Variants in DOCK4 observed in about 807,000 individuals in gnomAD.
DOCK4 encodes dedicator of cytokinesis protein 4.
DOCK4 carries 97 observed loss-of-function variants against 268.1 expected under a neutral mutation model. The ratio of observed to expected loss-of-function variants is 0.36; its 90% CI spans 0.31 to 0.43. The LOEUF (loss-of-function observed/expected upper bound fraction) is 0.43, where lower values mean the gene tolerates loss of function less well. DOCK4 is among the 20% of genes least tolerant of loss of function. DOCK4 has a pLI of 1.00. For synonymous variants in DOCK4, 954 were observed against 887.2 expected (o/e 1.08, Z -1.34); for missense variants, 2,145 against 2,455.7 (o/e 0.87, Z 2.67).
intron 6 of DOCK4, 127 bp downstream of exon 6, chr7:111,988,888 C>T (rs1799265900): frequency 8.0e-6 from 11 of 1,376,086 alleles, no homozygotes; most frequent in Non-Finnish European, 1.1e-5. Context: ...ACTAAGCCTC[C>T]AAAAACAGGA....
chr7:111,996,648 T>G (rs1799982187), intron 4 of DOCK4, among the ~76,000 whole-genome samples: 1 of 152,186 alleles, frequency 6.6e-6, no homozygotes, highest in Admixed American at 6.5e-5. Context: ...TTTCTGTTCT[T>G]CTGCTGCACA....
chr7:112,095,224 T>C (rs1810012494), intron 1 of DOCK4, among the ~76,000 whole-genome samples: 1 of 151,972 alleles, frequency 6.6e-6, no homozygotes, highest in African/African-American at 2.4e-5. Flanking sequence ...AGAAAGACAA[T>C]GAAATTGAGT....
intron 7 of DOCK4, among the ~76,000 whole-genome samples, chr7:111,983,795 A>G (rs996227040): frequency 2.0e-5 from 3 of 150,848 alleles, no homozygotes; most frequent in Admixed American, 6.6e-5. Context: ...TAAGGAGGAG[A>G]CCGTTTCAGT....
rs796231667 is a variant in DOCK4 at position 112,018,179 on chromosome 7, A to AACACAC, written c.38-14049_38-14048insGTGTGT. Among the ~76,000 whole-genome samples, 4 of 72,590 alleles carry AACACAC rather than the reference A, an allele frequency of 5.5e-5. 1 individual carries two copies. Among genetic ancestry groups the AACACAC allele is most frequent in the Non-Finnish European group, 8.8e-5 (3 of 33,980 alleles). 47.6% of individuals were successfully genotyped at this position (72,590 alleles called of 152,430 possible). A position where few individuals can be genotyped will look rare whatever the true frequency, so the allele number is the denominator to read the frequency against. ...AAAAAAAAAAAAAAAAAAAAAAAAA[A>AACACAC]ACACAGGCAACCAGTATTCATGTGG... is the stretch of plus-strand genomic sequence containing the variant. On this transcript the variant is annotated intron_variant, in intron 1 of 52. Transcript: ENST00000428084.
chr7:111,863,379 G>T lies in DOCK4; in HGVS notation c.2466C>A (p.Thr822=). 6.2e-7 allele frequency: 1 copy of T among 1,613,984 alleles called. No individual in the cohort carries two copies. The highest frequency in any genetic ancestry group is 8.5e-7 in the Non-Finnish European group (1 of 1,179,888). The change falls in exon 23 of 53, where the codon ACC becomes ACA. Residue 822 remains threonine, a synonymous_variant. Coordinates refer to ENST00000428084, the MANE Select transcript of DOCK4 (RefSeq NM_001363540.2). The part of the protein sequence containing the change: ...IGKTVESQLY[T]NPDSRYILLP... ...CCAAGAGACTCACCCTACCTGGGTT[G>T]GTATAAAGCTGGCTTTCCACGGTTT...
At position 111,872,487 on chromosome 7, in the gene DOCK4, C is replaced by T; in HGVS notation, c.1822G>A (p.Asp608Asn). The change falls in exon 18 of 53, where the codon GAT (aspartate) becomes AAT (asparagine). Residue 608 changes from aspartate to asparagine, a missense_variant. By Grantham distance (23) the Asp-to-Asn change is conservative. Coordinates refer to ENST00000428084, the MANE Select transcript of DOCK4 (RefSeq NM_001363540.2). Reference sequence around the variant, plus strand: ...TATACCTTTACTATCTCTGAGCCATCAATTTCTTTTAATTTAGAGAGACAG... The same window carrying T: ...TATACCTTTACTATCTCTGAGCCATTAATTTCTTTTAATTTAGAGAGACAG... ...TGCLSKLKEI[D>N]GSEIVKFLQD... 1 of 1,598,916 alleles carries T rather than the reference C, an allele frequency of 6.3e-7. No homozygotes were observed. Among genetic ancestry groups the T allele is most frequent in the Non-Finnish European group, 8.5e-7 (1 of 1,171,742 alleles).
At chr7:111,995,638 A>G (rs1799899607) in intron 4 of DOCK4, among the ~76,000 whole-genome samples, 1 of 152,158 alleles carries the variant, frequency 6.6e-6, no homozygotes, top group Non-Finnish European at 1.5e-5. Context: ...TCAAGGGGAA[A>G]TTACTTCTTA....
intron 16 of DOCK4, among the ~76,000 whole-genome samples, chr7:111,885,569 G>GT (rs1407588465): frequency 6.6e-6 from 1 of 152,166 alleles, no homozygotes; most frequent in Non-Finnish European, 1.5e-5. Flanking sequence ...GAAGCCATTT[G>GT]TTTTTTCCAG....
At chr7:112,034,728 C>A (rs1803588342) in intron 1 of DOCK4, among the ~76,000 whole-genome samples, 1 of 152,120 alleles carries the variant, frequency 6.6e-6, no homozygotes, top group African/African-American at 2.4e-5. Context: ...GGTGAAACCC[C>A]ATCCCTACTA....
At chr7:112,183,448 T>C (rs1179199319) in intron 1 of DOCK4, among the ~76,000 whole-genome samples, 5 of 152,236 alleles carry the variant, frequency 3.3e-5, no homozygotes, top group Non-Finnish European at 5.9e-5. Context: ...CTGAAAACTA[T>C]GTGACCTTGG....
At chr7:111,929,858 A>G (rs546661488) in intron 12 of DOCK4, among the ~76,000 whole-genome samples, 3 of 152,350 alleles carry the variant, frequency 2.0e-5, no homozygotes, top group Admixed American at 2.0e-4. Flanking sequence ...CAAACCATAG[A>G]AAATATTTCA....
Position 111,915,861 on chromosome 7 carries a change from T to G in DOCK4, c.1110A>C (p.Gln370His). The stretch of plus-strand genomic sequence containing the variant: ...ATACTGATGAATATTCCCTTCTGAT[T>G]TGTTCAATGTCTCCGTGCAATAGCT... ...SLQLLHGDIE[Q>H]IRREYSSVFS... Residue 370 changes from glutamine (Q) to histidine (H), a missense_variant, in exon 13 of 53, where the codon CAA (glutamine) becomes CAC (histidine). By Grantham distance (24) the Gln-to-His change is conservative. Transcript: ENST00000428084. The G allele has an allele frequency of 6.2e-7, 1 of 1,612,714 alleles. No individual in the cohort carries two copies. Among genetic ancestry groups the G allele is most frequent in the Non-Finnish European group, 8.5e-7 (1 of 1,179,356 alleles).
At chr7:111,869,394 G>A in intron 21 of DOCK4, 180 bp downstream of exon 21, 1 of 586,188 alleles carries the variant, frequency 1.7e-6, no homozygotes, top group Non-Finnish European at 3.1e-6. Flanking sequence ...GACTACCCTG[G>A]CAAAGTCCCC....
intron 1 of DOCK4, among the ~76,000 whole-genome samples, chr7:112,188,164 G>A (rs956972287): frequency 5.3e-5 from 8 of 152,220 alleles, no homozygotes. Flanking sequence ...TGCAAACATA[G>A]TATACTGTCT....
chr7:111,899,339 A>G (rs1422278391), intron 15 of DOCK4, among the ~76,000 whole-genome samples: 1 of 152,218 alleles, frequency 6.6e-6, no homozygotes, highest in Non-Finnish European at 1.5e-5. Flanking sequence ...TGCTTCTTCA[A>G]AAATGTGATT....
chr7:112,120,137 T>C (rs1370529210), intron 1 of DOCK4, among the ~76,000 whole-genome samples: 2 of 152,172 alleles, frequency 1.3e-5, no homozygotes, highest in Non-Finnish European at 2.9e-5. Flanking sequence ...TTGCTCTTTT[T>C]AATAATTTAA....
chr7:111,983,862 G>GCGCGCGCACACACACACACA, intron 7 of DOCK4, among the ~76,000 whole-genome samples: 22 of 138,560 alleles, frequency 1.6e-4, no homozygotes, highest in African/African-American at 4.2e-4. Context: ...GCGCGCGCGC[G>GCGCGCGCACACACACACACA]CACACACACA....
intron 1 of DOCK4, among the ~76,000 whole-genome samples, chr7:112,205,535 G>C (rs1159133226): frequency 6.6e-6 from 1 of 152,182 alleles, no homozygotes; most frequent in Non-Finnish European, 1.5e-5. Flanking sequence ...AGGAGGGTCA[G>C]AGAGGGCTCA....
At chr7:111,767,240 T>A (rs1198317888) in intron 37 of DOCK4, 122 bp from the exon 38 acceptor site, 22 of 792,482 alleles carry the variant, frequency 2.8e-5, no homozygotes, top group Non-Finnish European at 1.8e-5. Flanking sequence ...TTTTTTTTTT[T>A]TTTTTGAGAT....
Sources: allele counts gnomAD v4.1 joint callset (sites outside exome capture counted in the v4.1 genomes callset), GRCh38; gene constraint gnomAD v4.1.1; transcripts MANE v1.5; gene names NCBI Gene and HGNC (gene_info 2026-07-23, HGNC 2026-07-21).